SLC6A2: variants seen among roughly 807,000 people sequenced by gnomAD.
SLC6A2 encodes sodium-dependent noradrenaline transporter.
In SLC6A2, 26 loss-of-function variants were observed where a neutral mutation model predicts 71.7. The observed-to-expected ratio is 0.36, with a 90% CI of 0.27 to 0.50. The LOEUF (loss-of-function observed/expected upper bound fraction) is 0.50, where lower values mean the gene tolerates loss of function less well. Among genes scored for constraint, SLC6A2 ranks in the 20% least tolerant of loss-of-function variants. The probability of loss-of-function intolerance (pLI) is 0.96; values close to 1 mark genes in which losing one functional copy is unlikely to be tolerated. For missense variants in SLC6A2, 581 were observed against 803.9 expected (o/e 0.72, Z 3.35); for synonymous variants, 363 against 337.9 (o/e 1.07, Z -0.82).
intron 2 of SLC6A2, among the ~76,000 whole-genome samples, chr16:55,662,382 T>C (rs1964633391): frequency 6.6e-6 from 1 of 152,202 alleles, no homozygotes; most frequent in South Asian, 2.1e-4. Flanking sequence ...GCCTATCATA[T>C]GCCAGGAATA....
At chr16:55,672,302 C>A (rs1964947468) in intron 4 of SLC6A2, 127 bp downstream of exon 4, 2 of 1,513,750 alleles carry the variant, frequency 1.3e-6, no homozygotes, top group Non-Finnish European at 1.8e-6. Context: ...TACTGAGCAG[C>A]CACTGGCCTG....
chr16:55,667,653 T>C (rs1964791251), intron 2 of SLC6A2, among the ~76,000 whole-genome samples: 1 of 152,068 alleles, frequency 6.6e-6, no homozygotes, highest in Non-Finnish European at 1.5e-5. Context: ...AGGGGAGAAA[T>C]AGCACATGGC....
At chr16:55,680,805 C>A (rs1037900809) in intron 4 of SLC6A2, among the ~76,000 whole-genome samples, 1 of 152,074 alleles carries the variant, frequency 6.6e-6, no homozygotes, top group Non-Finnish European at 1.5e-5. Context: ...ACAGGATTAG[C>A]GGGGACCAGA....
Position 55,704,757 on chromosome 16 carries a change from G to A in SLC6A2, c.*2411G>A, listed in dbSNP as rs764288094. ...CCTTCTGCCTCCAGACATTTGTCCC[G>A]GGGTGAATCGGAGATGTGGTGCTAG... On this transcript the variant is annotated 3_prime_UTR_variant, in exon 15 of 15. Coordinates refer to ENST00000568943, the MANE Select transcript of SLC6A2 (RefSeq NM_001172501.3). 2.1e-4 allele frequency: 33 copies of A among 153,508 alleles called. No individual in the cohort carries two copies. The highest frequency in any genetic ancestry group is 3.5e-4 in the Non-Finnish European group (24 of 68,970). The allele number at this position is 153,508 out of a possible 1,614,324, so 9.5% of individuals were successfully genotyped here. A position where few individuals can be genotyped will look rare whatever the true frequency, so the allele number is the denominator to read the frequency against.
At chr16:55,673,997 C>T (rs1190297400) in intron 4 of SLC6A2, among the ~76,000 whole-genome samples, 1 of 152,098 alleles carries the variant, frequency 6.6e-6, no homozygotes, top group Non-Finnish European at 1.5e-5. Context: ...AGTCTTAATT[C>T]ATAACTATTA....
At chr16:55,696,175 C>A in intron 8 of SLC6A2, 50 bp from the exon 9 acceptor site, 1 of 1,139,258 alleles carries the variant, frequency 8.8e-7, no homozygotes, top group Non-Finnish European at 1.3e-6. Context: ...TCATGTGCAG[C>A]TCAGACCAAT....
rs533686536 is a variant in SLC6A2 at position 55,702,382 on chromosome 16, A to G, written c.*36A>G. The G allele has an allele frequency of 4.3e-6, 7 of 1,614,096 alleles. No individual in the cohort carries two copies. The African/African-American group carries it at 6.7e-5, about 15-fold the overall frequency. ...AGGAGAAGGAGGAACCCCCATGCCA[A>G]TGTCCAGGTCACAGGCATCCGCTGC... On this transcript the variant is annotated 3_prime_UTR_variant, in exon 15 of 15. Coordinates refer to ENST00000568943, the MANE Select transcript of SLC6A2 (RefSeq NM_001172501.3).
Position 55,706,135 on chromosome 16 carries a change from G to T in SLC6A2, c.*3789G>T, listed in dbSNP as rs962096029. On this transcript the variant is annotated 3_prime_UTR_variant, in exon 15 of 15. Transcript: ENST00000568943. ...GTGTCTGATATGGATTTTAAAAGTTGTTCTCTTTGTGGAATATAAGTGTAC... is the reference window on the plus strand; with the variant it reads ...GTGTCTGATATGGATTTTAAAAGTTTTTCTCTTTGTGGAATATAAGTGTAC... 2.0e-5 allele frequency: 3 copies of T among 152,194 alleles called. No homozygotes were observed. The highest frequency in any genetic ancestry group is 7.2e-5 in the African/African-American group (3 of 41,442). 9.4% of individuals were successfully genotyped at this position (152,194 alleles called of 1,614,324 possible).
At chr16:55,697,617 C>G (rs1320926813) in intron 9 of SLC6A2, among the ~76,000 whole-genome samples, 1 of 152,190 alleles carries the variant, frequency 6.6e-6, no homozygotes, top group Non-Finnish European at 1.5e-5. Context: ...CCCACTCAGG[C>G]TGAGTGAGTG....
At chr16:55,664,021 C>T (rs1415789228) in intron 2 of SLC6A2, among the ~76,000 whole-genome samples, 1 of 152,122 alleles carries the variant, frequency 6.6e-6, no homozygotes, top group Non-Finnish European at 1.5e-5. Flanking sequence ...CATCATACTC[C>T]ATTCAATCAT....
At chr16:55,697,786 G>A (rs1436134551) in intron 9 of SLC6A2, 111 bp from the exon 10 acceptor site, 1 of 1,130,404 alleles carries the variant, frequency 8.8e-7, no homozygotes, top group East Asian at 2.5e-5. Flanking sequence ...AGAGAGGCAA[G>A]GCAGCCTACA....
At chr16:55,657,116 G>GA (rs11407577) in intron 2 of SLC6A2, 148 bp downstream of exon 2, 360,060 of 708,052 alleles carry the variant, frequency 0.51, 88,309 homozygotes, top group Admixed American at 0.59. Flanking sequence ...GGGCTAACGG[G>GA]AAAAAAAAAG....
chr16:55,683,116 G>A (rs1814269), intron 4 of SLC6A2, among the ~76,000 whole-genome samples: 48,957 of 151,984 alleles, frequency 0.32, 9,087 homozygotes, highest in Non-Finnish European at 0.41. Flanking sequence ...GTGGTCAGGG[G>A]AACCCTTCTC....
chr16:55,691,982 C>A lies in SLC6A2; in HGVS notation c.848C>A (p.Thr283Lys), dbSNP rs45564432. The A allele has an allele frequency of 6.2e-7, 1 of 1,614,184 alleles. No individual in the cohort carries two copies. The highest frequency in any genetic ancestry group is 2.2e-5 in the East Asian group (1 of 44,882). ...TTCGTGCTCCTGGTCCATGGCGTCA[C>A]GCTGCCCGGAGCCTCCAATGGCATC... ...VLFVLLVHGV[T>K]LPGASNGINA... Residue 283 changes from threonine to lysine, a missense_variant, in exon 6 of 15, where the codon ACG becomes AAG. This residue lies in a region of SLC6A2 where 334 missense variants were observed against 449.0 expected (regional missense o/e 0.74). Transcript: ENST00000568943.
rs772191084 is a variant in SLC6A2, at chr16:55,693,994, T to C, written c.919-16T>C. 2 of 1,565,620 alleles carry C rather than the reference T, an allele frequency of 1.3e-6. No individual in the cohort carries two copies. The highest frequency in any genetic ancestry group is 1.4e-5 in the African/African-American group (1 of 73,992). The stretch of plus-strand genomic sequence containing the variant: ...GTAGGAAGCAGAGGCTGATGGCTTT[T>C]GTCTGCTGGTTTCAGGTATGGATTG... On this transcript the variant is annotated splice_polypyrimidine_tract_variant and intron_variant, in intron 6 of 14. Transcript: ENST00000568943.
At chr16:55,659,287 T>C (rs1017588093) in intron 2 of SLC6A2, among the ~76,000 whole-genome samples, 2 of 152,166 alleles carry the variant, frequency 1.3e-5, no homozygotes, top group Non-Finnish European at 2.9e-5. Context: ...GATGGCCAAT[T>C]TGACAAGTCA....
chr16:55,698,460 C>T lies in SLC6A2; in HGVS notation c.1390-9C>T, dbSNP rs1017622884. ...GAGGGCCTCTTGGCTTCTTCTCTCC[C>T]TGTGCCAGGGTGGAATTTACGTCTT... On this transcript the variant is annotated splice_polypyrimidine_tract_variant and intron_variant, in intron 10 of 14. Transcript: ENST00000568943. 11 of 1,607,522 alleles carry T rather than the reference C, an allele frequency of 6.8e-6. No individual in the cohort carries two copies. The highest frequency in any genetic ancestry group is 9.4e-6 in the Non-Finnish European group (11 of 1,173,964).
chr16:55,694,013 T>C lies in SLC6A2; in HGVS notation c.922T>C (p.Trp308Arg). 1 of 1,609,218 alleles carries C rather than the reference T, an allele frequency of 6.2e-7. No homozygotes were observed. The highest frequency in any genetic ancestry group is 8.5e-7 in the Non-Finnish European group (1 of 1,175,472). The change falls in exon 7 of 15, where the codon TGG becomes CGG. Residue 308 changes from tryptophan (W) to arginine (R), a missense_variant. This residue lies in a region of SLC6A2 where 334 missense variants were observed against 449.0 expected (regional missense o/e 0.74). Coordinates refer to ENST00000568943, the MANE Select transcript of SLC6A2 (RefSeq NM_001172501.3). ...GGCTTTTGTCTGCTGGTTTCAGGTA[T>C]GGATTGATGCCGCAACTCAGATATT... Reference protein sequence around the residue: ...DFYRLKEATVWIDAATQIFFS... With the variant: ...DFYRLKEATVRIDAATQIFFS...
chr16:55,703,678 T>G lies in SLC6A2; in HGVS notation c.*1332T>G. The stretch of plus-strand genomic sequence containing the variant: ...GGCATCTTTGGGAGGGGTTTCTGTT[T>G]ATGGTTAGAGTCTCTTACACCCTTG... On this transcript the variant is annotated 3_prime_UTR_variant, in exon 15 of 15. Transcript: ENST00000568943. 4.1e-6 allele frequency: 4 copies of G among 985,438 alleles called. No homozygotes were observed. The highest frequency in any genetic ancestry group is 4.8e-6 in the Non-Finnish European group (4 of 829,938). 61.0% of individuals were successfully genotyped at this position (985,438 alleles called of 1,614,324 possible). A position where few individuals can be genotyped will look rare whatever the true frequency, so the allele number is the denominator to read the frequency against.
Sources: gnomAD v4.1 joint callset for allele counts (sites outside exome capture counted in the v4.1 genomes callset) on GRCh38, gnomAD v4.1.1 for gene constraint, gnomAD v4.1.1 regional missense constraint, MANE v1.5 for transcripts, NCBI Gene and HGNC (gene_info 2026-07-23, HGNC 2026-07-21) for gene names.